SNRPA1: variants seen among roughly 807,000 people sequenced by gnomAD.
The protein encoded by SNRPA1 is U2 small nuclear ribonucleoprotein A'.
SNRPA1 carries 5 observed loss-of-function variants against 32.3 expected under a neutral mutation model. The ratio of observed to expected loss-of-function variants is 0.15; its 90% CI spans 0.08 to 0.33. SNRPA1 has a LOEUF of 0.33. Ranked by LOEUF, SNRPA1 falls within the 10% of genes least tolerant of loss-of-function variation. The probability of loss-of-function intolerance (pLI) is 1.00; values close to 1 mark genes in which losing one functional copy is unlikely to be tolerated. For missense variants in SNRPA1, 198 were observed against 311.1 expected, an observed-to-expected ratio of 0.64 and a Z score of 2.74; for synonymous variants, 111 against 120.1, an observed-to-expected ratio of 0.92 and a Z score of 0.50.
At position 101,284,951 on chromosome 15, in the gene SNRPA1, A is replaced by T; in HGVS notation, c.709+16T>A. 6.3e-7 allele frequency: 1 copy of T among 1,591,464 alleles called. No individual in the cohort carries two copies. Among genetic ancestry groups the T allele is most frequent in the East Asian group, 2.2e-5 (1 of 44,770 alleles). ...GTAACATTAATTTGAACATACAAAGAACACCATTTGTTCACCTGATCTGCG... is the reference window on the plus strand; with the variant it reads ...GTAACATTAATTTGAACATACAAAGTACACCATTTGTTCACCTGATCTGCG... On this transcript the variant is annotated intron_variant, in intron 8 of 8. Transcript: ENST00000254193.
intron 8 of SNRPA1, among the ~76,000 whole-genome samples, chr15:101,282,269 C>T (rs2039403900): frequency 6.6e-6 from 1 of 152,054 alleles, no homozygotes; most frequent in Admixed American, 6.5e-5. Flanking sequence ...TCAATGTATT[C>T]CAGGGGGAAA....
chr15:101,288,708 G>A (rs1421784193), intron 3 of SNRPA1, among the ~76,000 whole-genome samples: 3 of 152,224 alleles, frequency 2.0e-5, no homozygotes, highest in African/African-American at 4.8e-5. Flanking sequence ...AACCCATGTT[G>A]AGAGCAACAA....
At chr15:101,282,485 A>G (rs142998342) in intron 8 of SNRPA1, among the ~76,000 whole-genome samples, 1 of 152,380 alleles carries the variant, frequency 6.6e-6, no homozygotes, top group East Asian at 1.9e-4. Context: ...GCCTGTGCAG[A>G]TAATGGTGGA....
chr15:101,284,177 G>A (rs968190874), intron 8 of SNRPA1, among the ~76,000 whole-genome samples: 34 of 152,226 alleles, frequency 2.2e-4, no homozygotes, highest in African/African-American at 8.0e-4. Context: ...CGCTAATGTT[G>A]AGCCTTGTGC....
chr15:101,286,389 T>C, intron 5 of SNRPA1, 96 bp from the exon 6 acceptor site: 1 of 1,036,936 alleles, frequency 9.6e-7, no homozygotes, highest in South Asian at 1.6e-5. Context: ...TCTCCTACAG[T>C]ACTCCGGGCT....
intron 4 of SNRPA1, among the ~76,000 whole-genome samples, chr15:101,287,342 AC>A (rs1448579577): frequency 6.8e-6 from 1 of 148,100 alleles, no homozygotes; most frequent in Non-Finnish European, 1.5e-5. Flanking sequence ...CCCTTTCCCC[AC>A]CCCACAACAG....
intron 3 of SNRPA1, among the ~76,000 whole-genome samples, chr15:101,290,740 ATTT>A (rs766825971): frequency 5.1e-5 from 6 of 118,544 alleles, no homozygotes; most frequent in Admixed American, 1.7e-4. Flanking sequence ...CACTTTTGGC[ATTT>A]TTTTTTTTTT....
chr15:101,293,771 G>C (rs755095537), intron 1 of SNRPA1, among the ~76,000 whole-genome samples: 2 of 152,288 alleles, frequency 1.3e-5, no homozygotes, highest in Non-Finnish European at 2.9e-5. Flanking sequence ...TAATTATTGT[G>C]TTAGGCACTA....
intron 8 of SNRPA1, 32 bp from the exon 9 acceptor site, chr15:101,281,814 C>A: frequency 6.2e-7 from 1 of 1,605,712 alleles, no homozygotes; most frequent in East Asian, 2.2e-5. Context: ...AAAGTAGTAT[C>A]AATTTTAGAG....
At chr15:101,283,277 G>A (rs751021153) in intron 8 of SNRPA1, among the ~76,000 whole-genome samples, 33 of 152,136 alleles carry the variant, frequency 2.2e-4, no homozygotes, top group Admixed American at 6.5e-4. Flanking sequence ...GGCCAGGCGC[G>A]GTGGCTCACG....
chr15:101,291,920 TAACCCCACCCACCAA>T, intron 3 of SNRPA1, 27 bp downstream of exon 3: 4 of 1,321,718 alleles, frequency 3.0e-6, no homozygotes, highest in Non-Finnish European at 4.4e-6. Context: ...ATAGTACCTT[TAACCCCACCCACCAA>T]ATACATTTTC....
At chr15:101,294,127 C>G (rs1284307205) in intron 1 of SNRPA1, among the ~76,000 whole-genome samples, 1 of 152,182 alleles carries the variant, frequency 6.6e-6, no homozygotes, top group African/African-American at 2.4e-5. Context: ...CCCAGCTACT[C>G]GGGAGGCTTG....
At chr15:101,290,724 C>T (rs1032543900) in intron 3 of SNRPA1, among the ~76,000 whole-genome samples, 1 of 150,362 alleles carries the variant, frequency 6.7e-6, no homozygotes, top group Non-Finnish European at 1.5e-5. Flanking sequence ...CACAGATGCA[C>T]GCTACCACTT....
intron 4 of SNRPA1, 90 bp from the exon 5 acceptor site, chr15:101,287,100 A>C: frequency 1.7e-6 from 1 of 589,484 alleles, no homozygotes; most frequent in Non-Finnish European, 3.1e-6. Context: ...CCTATAAATC[A>C]AGGGAACATT....
chr15:101,284,911 A>T (rs925167036), intron 8 of SNRPA1, 56 bp downstream of exon 8: 5 of 1,289,498 alleles, frequency 3.9e-6, no homozygotes, highest in Non-Finnish European at 5.6e-6. Context: ...AATGGTTGTG[A>T]GTTACACTCT....
chr15:101,285,998 C>A (rs2039450546), intron 6 of SNRPA1, 197 bp from the exon 7 acceptor site: 1 of 630,792 alleles, frequency 1.6e-6, no homozygotes, highest in Non-Finnish European at 2.8e-6. Context: ...CATGGTATCA[C>A]ATGAAGACTG....
Position 101,281,878 on chromosome 15 carries a change from A to G in SNRPA1, c.710-96T>C, listed in dbSNP as rs947337220. 21 of 1,148,646 alleles carry G rather than the reference A, an allele frequency of 1.8e-5. No individual in the cohort carries two copies. The African/African-American group carries it at 2.9e-4, about 16-fold the overall frequency. 71.2% of individuals were successfully genotyped at this position (1,148,646 alleles called of 1,614,324 possible). The stretch of plus-strand genomic sequence containing the variant: ...GTTCTGTGGCCACTGTTTGTTACAC[A>G]CTGAAGTAGGTACAAAAAGATCAAA... On this transcript the variant is annotated intron_variant, in intron 8 of 8. Transcript: ENST00000254193.
chr15:101,295,013 G>T, intron 1 of SNRPA1, 84 bp downstream of exon 1: 1 of 893,854 alleles, frequency 1.1e-6, no homozygotes, highest in South Asian at 2.0e-5. Flanking sequence ...GCCAAGCTCC[G>T]GCCTTCGGTG....
At chr15:101,286,156 C>T in intron 6 of SNRPA1, 58 bp downstream of exon 6, 3 of 1,422,994 alleles carry the variant, frequency 2.1e-6, no homozygotes, top group Non-Finnish European at 3.0e-6. Context: ...AACTGCCAGA[C>T]AGATCAGATC....
Sources: allele counts gnomAD v4.1 joint callset (sites outside exome capture counted in the v4.1 genomes callset), GRCh38; gene constraint gnomAD v4.1.1; transcripts MANE v1.5; gene names NCBI Gene and HGNC (gene_info 2026-07-23, HGNC 2026-07-21).